The following SGK1 variants were observed in gnomAD, a reference collection of about 807,000 sequenced individuals.
The protein encoded by SGK1 is serum/glucocorticoid regulated kinase 1.
In SGK1, 26 loss-of-function variants were observed where a neutral mutation model predicts 64.2. The observed-to-expected ratio is 0.40, with a 90% confidence interval of 0.30 to 0.56. The LOEUF (loss-of-function observed/expected upper bound fraction) is 0.56. Ranked by LOEUF, SGK1 falls within the 20% of genes least tolerant of loss-of-function variation. The pLI is 0.38. For missense variants in SGK1, 519 were observed against 645.6 expected, an observed-to-expected ratio of 0.80 and a Z score of 2.12; for synonymous variants, 265 against 239.7, an observed-to-expected ratio of 1.11 and a Z score of -0.98.
chr6:134,309,585 C>T (rs1170609406), intron 1 of SGK1, among the ~76,000 whole-genome samples: 1 of 150,018 alleles, frequency 6.7e-6, no homozygotes, highest in Non-Finnish European at 1.5e-5. Flanking sequence ...ACCTGCTTTC[C>T]CATTACAGAG....
chr6:134,207,779 A>C (rs958821149), intron 2 of SGK1, among the ~76,000 whole-genome samples: 11 of 152,238 alleles, frequency 7.2e-5, no homozygotes, highest in Non-Finnish European at 1.5e-4. Context: ...GATTATTAGC[A>C]AATTTATCAG....
At chr6:134,190,846 C>G (rs1488168524) in intron 3 of SGK1, among the ~76,000 whole-genome samples, 2 of 152,196 alleles carry the variant, frequency 1.3e-5, no homozygotes, top group East Asian at 1.9e-4. Context: ...AACAGACACA[C>G]TAGACTTAGC....
intron 4 of SGK1, 40 bp downstream of exon 4, chr6:134,174,471 A>C: frequency 2.0e-6 from 3 of 1,489,278 alleles, no homozygotes; most frequent in Non-Finnish European, 2.8e-6. Flanking sequence ...TGGCAAATTC[A>C]AACTATACTA....
intron 1 of SGK1, among the ~76,000 whole-genome samples, chr6:134,263,483 G>T (rs1029651933): frequency 1.3e-5 from 2 of 149,966 alleles, no homozygotes; most frequent in African/African-American, 4.9e-5. Flanking sequence ...TGATCCTCCC[G>T]CCTCCCAAAG....
intron 2 of SGK1, among the ~76,000 whole-genome samples, chr6:134,237,844 G>C (rs1260189096): frequency 6.6e-6 from 1 of 152,062 alleles, no homozygotes; most frequent in Non-Finnish European, 1.5e-5. Context: ...TCAAGCAATA[G>C]TATACTGAAG....
intron 1 of SGK1, among the ~76,000 whole-genome samples, chr6:134,267,858 G>T (rs947576784): frequency 1.3e-5 from 2 of 152,100 alleles, no homozygotes; most frequent in African/African-American, 2.4e-5. Flanking sequence ...TTTCTAACCG[G>T]ACTGTTGCTG....
At chr6:134,170,492 G>T in intron 13 of SGK1, 57 bp from the exon 14 acceptor site, 2 of 1,505,718 alleles carry the variant, frequency 1.3e-6, no homozygotes, top group South Asian at 1.2e-5. Context: ...CACAGGACAG[G>T]GAAATCTTGA....
rs369377380 is a variant in SGK1, at chr6:134,272,141, C to CTTT, written c.70-9996_70-9994dup. Among the ~76,000 whole-genome samples, 893 of 129,446 alleles carry CTTT rather than the reference C, an allele frequency of 6.9e-3. 50 individuals are homozygous for CTTT. The highest frequency in any genetic ancestry group is 0.02 in the African/African-American group (721 of 36,074). 84.9% of individuals were successfully genotyped at this position (129,446 alleles called of 152,430 possible). ...ACAGGCATGAGCCACCGTGCCCAGC[C>CTTT]TTTTTTTTTTTTTTCTTGAGACGGA... On this transcript the variant is annotated intron_variant, in intron 1 of 13. Coordinates refer to ENST00000367858, the MANE Select transcript of SGK1 (RefSeq NM_001143676.3).
intron 2 of SGK1, among the ~76,000 whole-genome samples, chr6:134,216,658 C>T (rs1438793189): frequency 6.6e-6 from 1 of 152,174 alleles, no homozygotes; most frequent in Non-Finnish European, 1.5e-5. Context: ...TAGACATCAA[C>T]AAAACAGATC....
intron 10 of SGK1, 175 bp from the exon 11 acceptor site, chr6:134,171,907 G>T: frequency 1.6e-6 from 1 of 620,236 alleles, no homozygotes; most frequent in Non-Finnish European, 2.8e-6. Context: ...CTACCTATGT[G>T]TACTGACATT....
chr6:134,215,144 T>TTTTTC (rs2114695278), intron 2 of SGK1: 1 of 428,122 alleles, frequency 2.3e-6, no homozygotes, highest in East Asian at 7.2e-5. Context: ...CTTTTTTTTT[T>TTTTTC]TTTGAGAGAG....
At chr6:134,223,443 G>T (rs1333881011) in intron 2 of SGK1, among the ~76,000 whole-genome samples, 3 of 151,930 alleles carry the variant, frequency 2.0e-5, no homozygotes, top group Non-Finnish European at 4.4e-5. Context: ...CCACTCCTAG[G>T]CTGTATGGGG....
chr6:134,275,638 T>A (rs1382743174), intron 1 of SGK1, among the ~76,000 whole-genome samples: 2 of 152,198 alleles, frequency 1.3e-5, no homozygotes, highest in Admixed American at 6.5e-5. Flanking sequence ...CACTAATGGG[T>A]GCCACACAAA....
chr6:134,294,493 T>C lies in SGK1; in HGVS notation c.69+22899A>G, dbSNP rs79558398. Among the ~76,000 whole-genome samples the C allele has an allele frequency of 4.0e-4, 61 of 152,318 alleles. 1 individual carries two copies. In the East Asian group the frequency reaches 0.01, roughly 26 times the overall value. On this transcript the variant is annotated intron_variant, in intron 1 of 13. Coordinates refer to ENST00000367858, the MANE Select transcript of SGK1 (RefSeq NM_001143676.3). Reference sequence around the variant, plus strand: ...CTCATGTAAATTGAATTATACAGCATTTGTCCTTTTGTGACCAAGTATTTT... The same window carrying C: ...CTCATGTAAATTGAATTATACAGCACTTGTCCTTTTGTGACCAAGTATTTT...
In SGK1 at chr6:134,171,039, C is replaced by G. The variant is rs1244978635; in HGVS notation, c.1307G>C (p.Gly436Ala). ...LLQKDRTKRLGAKDDFMEIKS... is the reference protein window; with the variant it reads ...LLQKDRTKRLAAKDDFMEIKS... Reference sequence around the variant, plus strand: ...ATCACTCACGAAGTCATCCTTGGCCCCGAGCCGCTTTGTCCTGTCCTTCTG... The same window carrying G: ...ATCACTCACGAAGTCATCCTTGGCCGCGAGCCGCTTTGTCCTGTCCTTCTG... Residue 436 changes from glycine to alanine, a missense_variant, in exon 12 of 14, where the codon GGG becomes GCG. Around this residue, in one of 2 missense-constraint regions of SGK1, gnomAD observed 278 missense variants for 408.7 expected, o/e 0.68. Transcript: ENST00000367858. The G allele has an allele frequency of 6.2e-7, 1 of 1,614,004 alleles. No individual in the cohort carries two copies. Among genetic ancestry groups the G allele is most frequent in the East Asian group, 2.2e-5 (1 of 44,876 alleles).
intron 1 of SGK1, among the ~76,000 whole-genome samples, chr6:134,300,169 T>C (rs1442101402): frequency 6.6e-6 from 1 of 152,036 alleles, no homozygotes; most frequent in Non-Finnish European, 1.5e-5. Flanking sequence ...AATTTTTTCA[T>C]GGGGATGTTA....
At chr6:134,210,848 A>T (rs1775877609) in intron 2 of SGK1, among the ~76,000 whole-genome samples, 2 of 144,382 alleles carry the variant, frequency 1.4e-5, no homozygotes, top group South Asian at 4.3e-4. Context: ...TAAAAGGGCC[A>T]GGCATGGTGG....
At chr6:134,211,102 G>A (rs2114690285) in intron 2 of SGK1, among the ~76,000 whole-genome samples, 1 of 151,662 alleles carries the variant, frequency 6.6e-6, no homozygotes, top group Middle Eastern at 3.4e-3. Flanking sequence ...TCCAGCCTGG[G>A]CGACAGGGAG....
In SGK1 at chr6:134,298,373, C is replaced by G. The variant is rs1178520822; in HGVS notation, c.69+19019G>C. 7 of 1,498,670 alleles carry G rather than the reference C, an allele frequency of 4.7e-6. No individual in the cohort carries two copies. In the African/African-American group the frequency reaches 6.9e-5, roughly 15 times the overall value. 92.8% of individuals were successfully genotyped at this position (1,498,670 alleles called of 1,614,324 possible). A position where few individuals can be genotyped will look rare whatever the true frequency, so the allele number is the denominator to read the frequency against. On this transcript the variant is annotated intron_variant, in intron 1 of 13. Transcript: ENST00000367858. ...TTGTTCTGCTGCTCCAGGAACCGTA[C>G]CTTGCCTATGAAGGAGGCAAACTTG...
Sources: gnomAD v4.1 joint callset for allele counts (sites outside exome capture counted in the v4.1 genomes callset) on GRCh38, gnomAD v4.1.1 for gene constraint, gnomAD v4.1.1 regional missense constraint, MANE v1.5 for transcripts, NCBI Gene and HGNC (gene_info 2026-07-23, HGNC 2026-07-21) for gene names.